MAPK10: variants seen among roughly 807,000 people sequenced by gnomAD.
MAPK10 encodes JNK3 alpha protein kinase.
A neutral mutation model predicts 59.3 loss-of-function variants in MAPK10; 25 were observed. The ratio of observed to expected loss-of-function variants is 0.42; its 90% CI spans 0.31 to 0.59. The LOEUF is 0.59. Among genes scored for constraint, MAPK10 ranks in the 20% least tolerant of loss-of-function variants. MAPK10 has a pLI of 0.15. For synonymous variants in MAPK10, 190 were observed against 200.5 expected (o/e 0.95, Z 0.44); for missense variants, 351 against 568.9 (o/e 0.62, Z 3.90).
chr4:86,205,331 G>C (rs1451784635), intron 2 of MAPK10, among the ~76,000 whole-genome samples: 2 of 151,930 alleles, frequency 1.3e-5, no homozygotes, highest in Non-Finnish European at 1.5e-5. Flanking sequence ...ACCTCAAAAT[G>C]TGTAAAGCAA....
intron 2 of MAPK10, among the ~76,000 whole-genome samples, chr4:86,273,968 G>T (rs1335824673): frequency 5.3e-5 from 8 of 151,890 alleles, no homozygotes; most frequent in Middle Eastern, 3.2e-3. Flanking sequence ...GAAAATTCTT[G>T]TTTGAAAAAT....
At chr4:86,259,244 G>A (rs928027249) in intron 2 of MAPK10, among the ~76,000 whole-genome samples, 1 of 151,988 alleles carries the variant, frequency 6.6e-6, no homozygotes, top group Non-Finnish European at 1.5e-5. Flanking sequence ...TCTCCTTCAT[G>A]TTAGCTTCTG....
chr4:86,452,520 C>G (rs892424753), intron 1 of MAPK10, among the ~76,000 whole-genome samples: 1 of 151,908 alleles, frequency 6.6e-6, no homozygotes, highest in Non-Finnish European at 1.5e-5. Context: ...ACAATGCGCA[C>G]GCACACACAC....
intron 1 of MAPK10, among the ~76,000 whole-genome samples, chr4:86,433,555 CTTTTTTTTTTTT>C (rs574706672): frequency 1.3e-4 from 13 of 97,612 alleles, no homozygotes; most frequent in East Asian, 6.3e-4. Flanking sequence ...GGGCCTTCTT[CTTTTTTTTTTTT>C]TTTTTTTTTT....
intron 2 of MAPK10, among the ~76,000 whole-genome samples, chr4:86,297,586 C>T (rs2095390802): frequency 6.6e-6 from 1 of 152,204 alleles, no homozygotes; most frequent in African/African-American, 2.4e-5. Flanking sequence ...GCTGGGACTA[C>T]AGGCATGGGC....
At chr4:86,571,434 G>C (rs1008947012) in intron 1 of MAPK10, among the ~76,000 whole-genome samples, 3 of 150,816 alleles carry the variant, frequency 2.0e-5, no homozygotes, top group African/African-American at 7.3e-5. Context: ...CAAAAATGAT[G>C]GCAGGAAATA....
chr4:86,384,509 C>T (rs1741203892), intron 1 of MAPK10, among the ~76,000 whole-genome samples: 3 of 152,050 alleles, frequency 2.0e-5, no homozygotes, highest in Admixed American at 6.5e-5. Context: ...GTGCGGAAAG[C>T]GAGCCTGATT....
chr4:86,370,682 T>C (rs142765455), intron 1 of MAPK10: 1 of 152,224 alleles, frequency 6.6e-6, no homozygotes, highest in Non-Finnish European at 1.5e-5. Flanking sequence ...GTCATGCAAG[T>C]AGAAAATATG....
chr4:86,174,771 G>C (rs940046109), intron 3 of MAPK10, among the ~76,000 whole-genome samples: 10 of 152,014 alleles, frequency 6.6e-5, no homozygotes, highest in African/African-American at 2.4e-4. Flanking sequence ...ATAAACTTTT[G>C]ATCTGATATA....
chr4:86,258,505 T>C (rs997927248), intron 2 of MAPK10, among the ~76,000 whole-genome samples: 6 of 152,312 alleles, frequency 3.9e-5, no homozygotes, highest in South Asian at 4.1e-4. Context: ...GGATACCACA[T>C]TGTTTTTTCC....
intron 1 of MAPK10, among the ~76,000 whole-genome samples, chr4:86,450,206 A>G (rs1486385366): frequency 6.6e-6 from 1 of 152,250 alleles, no homozygotes; most frequent in Non-Finnish European, 1.5e-5. Context: ...ACAACTACAA[A>G]CAGTAAATAT....
chr4:86,031,258 TAGC>T, intron 12 of MAPK10, 107 bp downstream of exon 12: 1 of 754,600 alleles, frequency 1.3e-6, no homozygotes, highest in South Asian at 1.6e-5. Context: ...TCTAAGAGAA[TAGC>T]AGTCAGCAAA....
intron 1 of MAPK10, among the ~76,000 whole-genome samples, chr4:86,530,433 A>G (rs1403632229): frequency 2.0e-5 from 3 of 152,192 alleles, no homozygotes; most frequent in African/African-American, 7.2e-5. Flanking sequence ...TGTCACCAAT[A>G]TGTACCACAG....
chr4:86,416,056 T>G (rs1745824829), intron 1 of MAPK10, among the ~76,000 whole-genome samples: 1 of 152,186 alleles, frequency 6.6e-6, no homozygotes, highest in South Asian at 2.1e-4. Flanking sequence ...ATGCATACGT[T>G]GAAGCCCTAA....
intron 1 of MAPK10, among the ~76,000 whole-genome samples, chr4:86,381,644 T>C (rs1323009542): frequency 6.6e-6 from 1 of 152,164 alleles, no homozygotes; most frequent in Non-Finnish European, 1.5e-5. Flanking sequence ...GCAGTCTCTC[T>C]CCCCTGGCTC....
At chr4:86,021,908 G>A (rs1417734088) in intron 13 of MAPK10, among the ~76,000 whole-genome samples, 1 of 152,242 alleles carries the variant, frequency 6.6e-6, no homozygotes, top group South Asian at 2.1e-4. Flanking sequence ...CGAGTGCGGG[G>A]GCCCGCCAAG....
At chr4:86,046,665 T>A (rs1019236273) in intron 11 of MAPK10, among the ~76,000 whole-genome samples, 1 of 152,140 alleles carries the variant, frequency 6.6e-6, no homozygotes, top group Non-Finnish European at 1.5e-5. Flanking sequence ...AATTATGACA[T>A]GTCTGACATT....
At chr4:86,185,843 T>C (rs74697909) in intron 3 of MAPK10, among the ~76,000 whole-genome samples, 9,545 of 152,032 alleles carry the variant, frequency 0.063, 569 homozygotes, top group African/African-American at 0.15. Flanking sequence ...GAGTAGACAA[T>C]GGGAAGAGTA....
intron 1 of MAPK10, among the ~76,000 whole-genome samples, chr4:86,544,378 G>A (rs1369232594): frequency 6.6e-6 from 1 of 152,182 alleles, no homozygotes; most frequent in African/African-American, 2.4e-5. Context: ...TGCTGACTTT[G>A]CAGATGAAGC....
Sources: allele counts gnomAD v4.1 joint callset (sites outside exome capture counted in the v4.1 genomes callset), GRCh38; gene constraint gnomAD v4.1.1; transcripts MANE v1.5; gene names NCBI Gene and HGNC (gene_info 2026-07-23, HGNC 2026-07-21).